The following SMYD3 variants were observed in gnomAD, a reference collection of about 807,000 sequenced individuals.
SMYD3 encodes the protein SET and MYND domain containing 3, also known as histone-lysine N-methyltransferase SMYD3.
SMYD3 carries 36 observed loss-of-function variants against 57.7 expected under a neutral mutation model. The ratio of observed to expected loss-of-function variants is 0.62; its 90% CI spans 0.48 to 0.82. SMYD3 has a LOEUF of 0.82. SMYD3 is among the 40% of genes least tolerant of loss of function. The pLI is 0.00. For missense variants in SMYD3, 515 were observed against 538.8 expected (o/e 0.96, Z 0.44); for synonymous variants, 211 against 195.0 (o/e 1.08, Z -0.68).
At chr1:245,971,435 T>TA (rs146192520) in intron 5 of SMYD3, among the ~76,000 whole-genome samples, 38,062 of 92,396 alleles carry the variant, frequency 0.41, 5,470 homozygotes, top group East Asian at 0.7. Context: ...TCCCAGAACT[T>TA]AAAGTATAAT....
chr1:246,406,944 CT>C (rs1278008778), intron 1 of SMYD3, among the ~76,000 whole-genome samples: 2 of 152,174 alleles, frequency 1.3e-5, no homozygotes, highest in Non-Finnish European at 2.9e-5. Context: ...AAGGAGAAGT[CT>C]CTTGGGATTT....
At chr1:246,453,122 A>G (rs886831453) in intron 1 of SMYD3, among the ~76,000 whole-genome samples, 6 of 152,250 alleles carry the variant, frequency 3.9e-5, no homozygotes, top group African/African-American at 1.4e-4. Flanking sequence ...ATAAGGCAGT[A>G]CTATTATTAT....
intron 5 of SMYD3, among the ~76,000 whole-genome samples, chr1:246,183,887 T>C (rs2062592231): frequency 6.6e-6 from 1 of 152,210 alleles, no homozygotes; most frequent in Non-Finnish European, 1.5e-5. Context: ...CAGCAGTGTT[T>C]ACACCTTCAT....
intron 8 of SMYD3, 101 bp downstream of exon 8, chr1:245,915,429 G>C (rs920621381): frequency 2.1e-5 from 15 of 699,960 alleles, no homozygotes; most frequent in Non-Finnish European, 3.8e-5. Context: ...ACCATGTACT[G>C]AGGGTCATTA....
intron 5 of SMYD3, among the ~76,000 whole-genome samples, chr1:246,240,501 G>T (rs1193618322): frequency 6.6e-6 from 1 of 152,094 alleles, no homozygotes; most frequent in African/African-American, 2.4e-5. Flanking sequence ...TAGCCTTGTA[G>T]TATAGTTTGA....
intron 10 of SMYD3, among the ~76,000 whole-genome samples, chr1:245,773,987 T>A (rs1470457340): frequency 6.6e-6 from 1 of 152,236 alleles, no homozygotes; most frequent in Non-Finnish European, 1.5e-5. Context: ...AAAAGTTGGT[T>A]TATATTCTAC....
intron 8 of SMYD3, among the ~76,000 whole-genome samples, chr1:245,890,410 A>G (rs2053316683): frequency 6.6e-6 from 1 of 152,190 alleles, no homozygotes; most frequent in Non-Finnish European, 1.5e-5. Context: ...CAATCTAACA[A>G]TCTGGGCAAA....
chr1:246,399,571 T>TC (rs1405797716), intron 1 of SMYD3, among the ~76,000 whole-genome samples: 1 of 152,110 alleles, frequency 6.6e-6, no homozygotes, highest in Non-Finnish European at 1.5e-5. Flanking sequence ...CTCGAACTCC[T>TC]GGGCTCAACT....
intron 5 of SMYD3, among the ~76,000 whole-genome samples, chr1:245,934,741 C>T (rs544162950): frequency 2.6e-5 from 4 of 152,054 alleles, no homozygotes; most frequent in South Asian, 2.1e-4. Flanking sequence ...CAGGTGATTT[C>T]GGCATCTGTT....
At chr1:245,750,542 A>C (rs978635785) in intron 11 of SMYD3, among the ~76,000 whole-genome samples, 3 of 152,218 alleles carry the variant, frequency 2.0e-5, no homozygotes, top group Admixed American at 6.5e-5. Flanking sequence ...AGAAAAGAAG[A>C]AAGCCATTCT....
chr1:245,972,672 G>A (rs1423464179), intron 5 of SMYD3, among the ~76,000 whole-genome samples: 1 of 152,248 alleles, frequency 6.6e-6, no homozygotes, highest in African/African-American at 2.4e-5. Context: ...CTGAGTGGAA[G>A]TGAAAGAGTT....
At chr1:246,070,371 G>T (rs1169121422) in intron 5 of SMYD3, among the ~76,000 whole-genome samples, 3 of 152,206 alleles carry the variant, frequency 2.0e-5, no homozygotes, top group Non-Finnish European at 2.9e-5. Context: ...GTTTTAGCCA[G>T]AAATACATCT....
intron 5 of SMYD3, among the ~76,000 whole-genome samples, chr1:246,239,109 A>T (rs72774489): frequency 0.27 from 40,540 of 151,892 alleles, 6,108 homozygotes; most frequent in East Asian, 0.58. Context: ...ATGATTTTTT[A>T]AATTATACTT....
chr1:246,420,983 T>C (rs76015104), intron 1 of SMYD3, among the ~76,000 whole-genome samples: 9,875 of 152,240 alleles, frequency 0.065, 629 homozygotes, highest in East Asian at 0.32. Context: ...CTTGTAAAAG[T>C]ATAATATCCT....
intron 5 of SMYD3, among the ~76,000 whole-genome samples, chr1:245,936,319 T>C (rs1269021993): frequency 6.6e-6 from 1 of 151,726 alleles, no homozygotes; most frequent in Non-Finnish European, 1.5e-5. Flanking sequence ...CTCTAATATT[T>C]GAAAAAATGT....
intron 10 of SMYD3, 110 bp downstream of exon 10, chr1:245,858,385 AG>A: frequency 9.2e-7 from 1 of 1,085,662 alleles, no homozygotes; most frequent in South Asian, 1.8e-5. Context: ...GTTGAGAAGC[AG>A]CTGGAAATGC....
At chr1:246,076,170 T>A (rs1326055629) in intron 5 of SMYD3, among the ~76,000 whole-genome samples, 1 of 152,150 alleles carries the variant, frequency 6.6e-6, no homozygotes, top group African/African-American at 2.4e-5. Flanking sequence ...TCAGATTTTC[T>A]ACTCCTCATT....
At chr1:246,248,635 CCTTTTTTT>C (rs1447503017) in intron 5 of SMYD3, among the ~76,000 whole-genome samples, 3 of 68,336 alleles carry the variant, frequency 4.4e-5, no homozygotes, top group African/African-American at 6.5e-5. Flanking sequence ...CTCTGACTTT[CCTTTTTTT>C]TTTTTTTTTT....
At chr1:245,851,815 T>A (rs2148456379) in intron 10 of SMYD3, among the ~76,000 whole-genome samples, 1 of 152,170 alleles carries the variant, frequency 6.6e-6, no homozygotes, top group East Asian at 1.9e-4. Flanking sequence ...GAAGATGGGG[T>A]CCTCTGAAAG....
Sources: allele counts gnomAD v4.1 joint callset (sites outside exome capture counted in the v4.1 genomes callset), GRCh38; gene constraint gnomAD v4.1.1; transcripts MANE v1.5; gene names NCBI Gene and HGNC (gene_info 2026-07-23, HGNC 2026-07-21).